CDH8: variants seen among roughly 807,000 people sequenced by gnomAD.
The protein encoded by CDH8 is cadherin-8.
Under a neutral mutation model 68.1 loss-of-function variants are expected in CDH8, and 17 were observed. The ratio of observed to expected loss-of-function variants is 0.25; its 90% CI spans 0.17 to 0.37. The LOEUF is 0.37. Among genes scored for constraint, CDH8 ranks in the 10% least tolerant of loss-of-function variants. The pLI, the probability that CDH8 is intolerant of heterozygous loss-of-function variation, is 1.00. For synonymous variants in CDH8, 372 were observed against 365.1 expected (o/e 1.02, Z -0.21); for missense variants, 763 against 999.3 (o/e 0.76, Z 3.19).
At chr16:61,961,011 A>T (rs1322216466) in intron 2 of CDH8, among the ~76,000 whole-genome samples, 1 of 152,104 alleles carries the variant, frequency 6.6e-6, no homozygotes, top group African/African-American at 2.4e-5. Context: ...AGACAGAAGG[A>T]TCTCTATAAG....
chr16:61,828,147 C>A (rs527737154), intron 4 of CDH8, among the ~76,000 whole-genome samples: 1 of 151,486 alleles, frequency 6.6e-6, no homozygotes, highest in African/African-American at 2.4e-5. Context: ...ACCAAGATAG[C>A]GACAAGAGTG....
At chr16:61,990,280 T>C (rs1965692801) in intron 2 of CDH8, among the ~76,000 whole-genome samples, 1 of 149,144 alleles carries the variant, frequency 6.7e-6, no homozygotes, top group Non-Finnish European at 1.5e-5. Flanking sequence ...TCAATGTACA[T>C]AGTAATAAGA....
At chr16:61,790,466 A>G (rs1197922826) in intron 7 of CDH8, among the ~76,000 whole-genome samples, 3 of 152,022 alleles carry the variant, frequency 2.0e-5, no homozygotes, top group African/African-American at 7.2e-5. Context: ...GGATGCCCAA[A>G]GAAGGATATA....
chr16:61,758,803 A>G (rs1269122738), intron 8 of CDH8, among the ~76,000 whole-genome samples: 1 of 152,184 alleles, frequency 6.6e-6, no homozygotes, highest in African/African-American at 2.4e-5. Context: ...TAATGGGGCT[A>G]TATGATCTTT....
chr16:61,819,416 C>T (rs1477267394), intron 6 of CDH8, among the ~76,000 whole-genome samples: 1 of 152,036 alleles, frequency 6.6e-6, no homozygotes, highest in Non-Finnish European at 1.5e-5. Context: ...ATAAAAATGA[C>T]ATTAGGAATC....
At chr16:61,665,757 TTCCTTC>T (rs1461216657) in intron 10 of CDH8, among the ~76,000 whole-genome samples, 1 of 50,452 alleles carries the variant, frequency 2.0e-5, no homozygotes, top group Non-Finnish European at 4.1e-5. Context: ...TTTATTTTCC[TTCCTTC>T]CTTCCTTCCT....
rs546467715 is a variant in CDH8, at chr16:61,824,103, G to A, written c.835+909C>T. Among the ~76,000 whole-genome samples the A allele has an allele frequency of 9.9e-5, 15 of 151,852 alleles. No homozygotes were observed. In the South Asian group the frequency reaches 2.9e-3, roughly 29 times the overall value. ...TGAAATATTATTCAGCCTTTAAAAA[G>A]GAGATCCTGTCATTTGCAACAACAT... On this transcript the variant is annotated intron_variant, in intron 5 of 11. Transcript: ENST00000577390.
At chr16:61,850,840 A>G (rs1035132564) in intron 4 of CDH8, among the ~76,000 whole-genome samples, 3 of 151,936 alleles carry the variant, frequency 2.0e-5, no homozygotes, top group African/African-American at 7.3e-5. Context: ...GCACTTAGCA[A>G]ACATCCCTAT....
chr16:61,659,710 T>A (rs1419297619), intron 10 of CDH8, among the ~76,000 whole-genome samples: 1 of 151,998 alleles, frequency 6.6e-6, no homozygotes, highest in East Asian at 1.9e-4. Context: ...GGTTTAGCTG[T>A]CCCTCAGAGA....
At chr16:62,005,627 T>G (rs1965962091) in intron 2 of CDH8, among the ~76,000 whole-genome samples, 1 of 151,324 alleles carries the variant, frequency 6.6e-6, no homozygotes, top group South Asian at 2.1e-4. Flanking sequence ...TCCCAGCTAC[T>G]CGGGAGGCTG....
rs188142126 is a variant in CDH8 at position 61,663,459 on chromosome 16, T to C, written c.1655-7738A>G. 1.1e-3 allele frequency among the ~76,000 whole-genome samples: 164 copies of C among 152,118 alleles called. 2 individuals are homozygous for C. Among genetic ancestry groups the C allele is most frequent in the Middle Eastern group, 3.4e-3 (1 of 294 alleles). ...TGAAGTTTTAGAAAAAAATAGATAC[T>C]GTTAAATAAAATGTATATGTTTTAT... On this transcript the variant is annotated intron_variant, in intron 10 of 11. Coordinates refer to ENST00000577390, the MANE Select transcript of CDH8 (RefSeq NM_001796.5).
chr16:61,686,482 T>C (rs1435043929), intron 10 of CDH8, among the ~76,000 whole-genome samples: 2 of 151,986 alleles, frequency 1.3e-5, no homozygotes, highest in African/African-American at 4.8e-5. Flanking sequence ...AGTGGTACTT[T>C]TTAAGTGCCC....
In CDH8 at chr16:61,984,077, C is replaced by A. The variant is rs187455856; in HGVS notation, c.252+37075G>T. ...GGACTGCAGGCGTGAGCCCACCACACCTGGCTAATTTTTGTATTTTTAGTA... is the reference window on the plus strand; with the variant it reads ...GGACTGCAGGCGTGAGCCCACCACAACTGGCTAATTTTTGTATTTTTAGTA... On this transcript the variant is annotated intron_variant, in intron 2 of 11. Transcript: ENST00000577390. Among the ~76,000 whole-genome samples, 21 of 152,150 alleles carry A rather than the reference C, an allele frequency of 1.4e-4. 1 individual carries two copies. The East Asian group carries it at 4.1e-3, about 29-fold the overall frequency.
intron 2 of CDH8, among the ~76,000 whole-genome samples, chr16:62,016,820 A>T (rs1021231518): frequency 1.3e-5 from 2 of 152,242 alleles, no homozygotes; most frequent in African/African-American, 4.8e-5. Flanking sequence ...AAGTCTGAAG[A>T]TAGTTGGAAG....
In CDH8 at chr16:61,651,426, G is replaced by A. The variant is rs550631510; in HGVS notation, c.*2182C>T. The A allele has an allele frequency of 8.5e-5, 13 of 152,238 alleles. No individual in the cohort carries two copies. In the South Asian group the frequency reaches 1.2e-3, roughly 15 times the overall value. The allele number at this position is 152,238 out of a possible 1,614,324, so 9.4% of individuals were successfully genotyped here. ...TCAATAAAAAGTTGATTAAGCCACC[G>A]GATAGTTATAAATTGTTAGTATAGT... On this transcript the variant is annotated 3_prime_UTR_variant, in exon 12 of 12. Transcript: ENST00000577390.
At position 61,855,320 on chromosome 16, in the gene CDH8, A is replaced by G. The variant is rs569181517; in HGVS notation, c.667+1799T>C. On this transcript the variant is annotated intron_variant, in intron 4 of 11. Transcript: ENST00000577390. ...ATGGCAATCTATATCACTGAAACTTATAATTGTCCAAATCCTCTCACTTAG... is the reference window on the plus strand; with the variant it reads ...ATGGCAATCTATATCACTGAAACTTGTAATTGTCCAAATCCTCTCACTTAG... 1.2e-3 allele frequency among the ~76,000 whole-genome samples: 180 copies of G among 152,312 alleles called. No homozygotes were observed. In the Middle Eastern group the frequency reaches 0.014, roughly 12 times the overall value.
At chr16:61,795,363 A>T (rs1961471748) in intron 7 of CDH8, among the ~76,000 whole-genome samples, 1 of 152,084 alleles carries the variant, frequency 6.6e-6, no homozygotes, top group African/African-American at 2.4e-5. Flanking sequence ...CACATAAAAT[A>T]GAATAAAAAC....
chr16:61,708,746 C>T (rs1964577078), intron 10 of CDH8, among the ~76,000 whole-genome samples: 2 of 152,170 alleles, frequency 1.3e-5, no homozygotes, highest in Admixed American at 1.3e-4. Flanking sequence ...CTATAAATTA[C>T]TGAATCGGAA....
At chr16:61,792,148 C>T (rs1961392902) in intron 7 of CDH8, among the ~76,000 whole-genome samples, 1 of 151,824 alleles carries the variant, frequency 6.6e-6, no homozygotes, top group Admixed American at 6.6e-5. Context: ...TATTTAACTC[C>T]CATAACTCTA....
Sources: allele counts gnomAD v4.1 joint callset (sites outside exome capture counted in the v4.1 genomes callset), GRCh38; gene constraint gnomAD v4.1.1; transcripts MANE v1.5; gene names NCBI Gene and HGNC (gene_info 2026-07-23, HGNC 2026-07-21).